The following PHF3 variants were observed in gnomAD, a reference collection of about 807,000 sequenced individuals.
The protein encoded by PHF3 is PHD finger protein 3.
A neutral mutation model predicts 178.4 loss-of-function variants in PHF3; 41 were observed. That is an observed-to-expected ratio of 0.23 (90% CI 0.18 to 0.30). The LOEUF is 0.30. PHF3 is among the 10% of genes least tolerant of loss of function. PHF3 has a pLI of 1.00. For missense variants in PHF3, 2,346 were observed against 2,398.1 expected (o/e 0.98, Z 0.45); for synonymous variants, 842 against 800.5 (o/e 1.05, Z -0.88).
intron 5 of PHF3, among the ~76,000 whole-genome samples, chr6:63,692,265 T>C (rs1767041868): frequency 6.6e-6 from 1 of 152,182 alleles, no homozygotes; most frequent in Non-Finnish European, 1.5e-5. Flanking sequence ...CTTACAGTCT[T>C]TTTTGCCATT....
At chr6:63,651,491 A>G (rs1765018122) in intron 2 of PHF3, among the ~76,000 whole-genome samples, 1 of 152,026 alleles carries the variant, frequency 6.6e-6, no homozygotes, top group Non-Finnish European at 1.5e-5. Context: ...CCTCCTGAGT[A>G]GCCGGGATTA....
chr6:63,697,283 T>G (rs760832339), intron 6 of PHF3, among the ~76,000 whole-genome samples: 1 of 152,160 alleles, frequency 6.6e-6, no homozygotes, highest in Non-Finnish European at 1.5e-5. Flanking sequence ...TAGTTGACAG[T>G]TTTTCCATTT....
At position 63,718,746 on chromosome 6, in the gene PHF3, C is replaced by T. The variant is rs1189066726; in HGVS notation, c.*5038C>T. Among the ~76,000 whole-genome samples the T allele has an allele frequency of 6.6e-6, 1 of 152,014 alleles. No individual in the cohort carries two copies. The highest frequency in any genetic ancestry group is 1.5e-5 in the Non-Finnish European group (1 of 67,960). On this transcript the variant is annotated 3_prime_UTR_variant, in exon 16 of 16. Transcript: ENST00000262043. The stretch of plus-strand genomic sequence containing the variant: ...GGGAAGTGCTATTTTAAAGAAAAGG[C>T]ACACTTTATTATGAGAGAACACATG...
At chr6:63,660,281 G>A (rs532253589) in intron 2 of PHF3, among the ~76,000 whole-genome samples, 81 of 151,922 alleles carry the variant, frequency 5.3e-4, no homozygotes, top group Middle Eastern at 6.8e-3. Flanking sequence ...ACAGGTAGAC[G>A]TGTACTGCAA....
intron 2 of PHF3, among the ~76,000 whole-genome samples, chr6:63,665,513 G>A (rs1369613124): frequency 7.9e-6 from 1 of 126,496 alleles, no homozygotes. Context: ...TTGAGACAGA[G>A]TCTTGCTCTG....
intron 2 of PHF3, among the ~76,000 whole-genome samples, chr6:63,650,668 A>G (rs865951452): frequency 1.3e-5 from 2 of 152,322 alleles, no homozygotes; most frequent in Admixed American, 6.5e-5. Flanking sequence ...AGTCATACCT[A>G]GTTTGAGGCT....
In PHF3 at chr6:63,712,422, A is replaced by G. The variant is rs781247004; in HGVS notation, c.4834A>G (p.Asn1612Asp). Residue 1612 changes from asparagine (N) to aspartate (D), a missense_variant, in exon 16 of 16, where the codon AAT becomes GAT. By Grantham distance (23) the Asn-to-Asp change is conservative (BLOSUM62 1). Coordinates refer to ENST00000262043, the MANE Select transcript of PHF3 (RefSeq NM_001370348.2). ...TAATTTGCAAGATAACCAGACTTCA[A>G]ATAGTTCTCCATGCAGATCTAATGT... Reference protein sequence around the residue: ...ENNLQDNQTSNSSPCRSNVGK... With the variant: ...ENNLQDNQTSDSSPCRSNVGK... 17 of 1,613,956 alleles carry G rather than the reference A, an allele frequency of 1.1e-5. No individual in the cohort carries two copies. The highest frequency in any genetic ancestry group is 6.7e-5 in the East Asian group (3 of 44,858).
chr6:63,675,355 A>T (rs1766119044), intron 2 of PHF3, among the ~76,000 whole-genome samples: 1 of 152,236 alleles, frequency 6.6e-6, no homozygotes, highest in Non-Finnish European at 1.5e-5. Flanking sequence ...GGTCAAACTC[A>T]GCTTAACTAC....
At chr6:63,697,156 C>A (rs1365021496) in intron 6 of PHF3, among the ~76,000 whole-genome samples, 1 of 151,952 alleles carries the variant, frequency 6.6e-6, no homozygotes, top group South Asian at 2.1e-4. Context: ...ATTCACTCCA[C>A]ATGGAGGGAG....
chr6:63,717,872 GTAAA>G lies in PHF3; in HGVS notation c.*4167_*4170del, dbSNP rs1768236258. ...TATTATTTATAAGGAGACCAAAAAG[GTAAA>G]TATTACTGCACCTTATTTTTAAAAA... is the stretch of plus-strand genomic sequence containing the variant. On this transcript the variant is annotated 3_prime_UTR_variant, in exon 16 of 16. Transcript: ENST00000262043. Among the ~76,000 whole-genome samples the G allele has an allele frequency of 6.6e-6, 1 of 151,878 alleles. No individual in the cohort carries two copies. The highest frequency in any genetic ancestry group is 2.1e-4 in the South Asian group (1 of 4,834).
At position 63,721,405 on chromosome 6, in the gene PHF3, C is replaced by G; in HGVS notation, c.*7697C>G. On this transcript the variant is annotated 3_prime_UTR_variant, in exon 16 of 16. Coordinates refer to ENST00000262043, the MANE Select transcript of PHF3 (RefSeq NM_001370348.2). ...CATGTGTTGTACCCACAGGCTGTCC[C>G]ATCACAGTCACCTACATTTGAGCCA... 1 of 1,551,718 alleles carries G rather than the reference C, an allele frequency of 6.4e-7. No homozygotes were observed.
In PHF3 at chr6:63,713,113, C is replaced by T. The variant is rs201122793; in HGVS notation, c.5525C>T (p.Pro1842Leu). 1.9e-6 allele frequency: 3 copies of T among 1,613,934 alleles called. No individual in the cohort carries two copies. The highest frequency in any genetic ancestry group is 1.7e-5 in the Admixed American group (1 of 59,988). ...CATTTGCCACCTCCATTACTTCCCC[C>T]TCCAGGCTTTGGCTTTGCTCAAAAT... ...PPHLPPPLLPPPGFGFAQNPM... is the reference protein window; with the variant it reads ...PPHLPPPLLPLPGFGFAQNPM... Residue 1842 changes from proline to leucine, a missense_variant, in exon 16 of 16, where the codon CCT becomes CTT. Around this residue, in one of 8 missense-constraint regions of PHF3, gnomAD observed 839 missense variants for 806.9 expected, o/e 1.04. Transcript: ENST00000262043.
chr6:63,652,311 C>T (rs1765051567), intron 2 of PHF3, among the ~76,000 whole-genome samples: 1 of 152,066 alleles, frequency 6.6e-6, no homozygotes, highest in Non-Finnish European at 1.5e-5. Flanking sequence ...GCATTTTCTT[C>T]GTATGCCTGT....
chr6:63,659,509 G>T (rs1765377426), intron 2 of PHF3, among the ~76,000 whole-genome samples: 1 of 152,088 alleles, frequency 6.6e-6, no homozygotes, highest in Admixed American at 6.5e-5. Context: ...AAAATGTGTG[G>T]ATGTTAATGT....
At chr6:63,670,343 A>G (rs1765861045) in intron 2 of PHF3, among the ~76,000 whole-genome samples, 1 of 152,114 alleles carries the variant, frequency 6.6e-6, no homozygotes, top group South Asian at 2.1e-4. Flanking sequence ...ATCTCGGCTC[A>G]CTGAAAGCTC....
chr6:63,694,544 T>G (rs1356236038), intron 5 of PHF3, 37 bp from the exon 6 acceptor site: 1 of 1,344,770 alleles, frequency 7.4e-7, no homozygotes. Flanking sequence ...ATTGTTTAGT[T>G]ATTTTCATTC....
At chr6:63,657,817 C>T (rs1394255016) in intron 2 of PHF3, among the ~76,000 whole-genome samples, 1 of 152,148 alleles carries the variant, frequency 6.6e-6, no homozygotes, top group Admixed American at 6.5e-5. Flanking sequence ...GTACTGTGTG[C>T]TTTCCCCAAA....
At chr6:63,667,841 T>A (rs1765744993) in intron 2 of PHF3, among the ~76,000 whole-genome samples, 1 of 152,220 alleles carries the variant, frequency 6.6e-6, no homozygotes, top group African/African-American at 2.4e-5. Flanking sequence ...GAGTCAAACA[T>A]ATTTGGCATT....
chr6:63,661,488 A>G (rs1032488958), intron 2 of PHF3, among the ~76,000 whole-genome samples: 2 of 152,242 alleles, frequency 1.3e-5, no homozygotes, highest in Non-Finnish European at 2.9e-5. Context: ...AATTTTTGAC[A>G]CTAAAACTGG....
Sources: gnomAD v4.1 joint callset for allele counts (sites outside exome capture counted in the v4.1 genomes callset) on GRCh38, gnomAD v4.1.1 for gene constraint, gnomAD v4.1.1 regional missense constraint, MANE v1.5 for transcripts, NCBI Gene and HGNC (gene_info 2026-07-23, HGNC 2026-07-21) for gene names.